Variants in TENM4 observed in about 807,000 individuals in gnomAD.
TENM4 encodes teneurin transmembrane protein 4.
A neutral mutation model predicts 243.3 loss-of-function variants in TENM4; 82 were observed. The ratio of observed to expected loss-of-function variants is 0.34; its 90% CI spans 0.28 to 0.40. The LOEUF is 0.40. Ranked by LOEUF, TENM4 falls within the 10% of genes least tolerant of loss-of-function variation. TENM4 has a pLI of 1.00. For missense variants in TENM4, 3,138 were observed against 3,673.3 expected (o/e 0.85, Z 3.77); for synonymous variants, 1,412 against 1,456.3 (o/e 0.97, Z 0.69).
intron 2 of TENM4, among the ~76,000 whole-genome samples, chr11:79,241,906 A>G (rs1855428017): frequency 6.6e-6 from 1 of 152,196 alleles, no homozygotes; most frequent in Admixed American, 6.5e-5. Context: ...GGAAGGTGGC[A>G]GGTGGAATCC....
chr11:79,406,975 C>A (rs2135565457), intron 1 of TENM4, among the ~76,000 whole-genome samples: 1 of 152,298 alleles, frequency 6.6e-6, no homozygotes, highest in South Asian at 2.1e-4. Flanking sequence ...GTGCCAGGCT[C>A]TATGCTCTGT....
At chr11:78,946,194 C>T (rs61088148) in intron 6 of TENM4, among the ~76,000 whole-genome samples, 3,739 of 152,310 alleles carry the variant, frequency 0.025, 129 homozygotes, top group African/African-American at 0.079. Flanking sequence ...GGCTGACTCT[C>T]TTGTCAGGGG....
chr11:78,953,045 G>A (rs889555169), intron 6 of TENM4, among the ~76,000 whole-genome samples: 1 of 152,166 alleles, frequency 6.6e-6, no homozygotes, highest in Non-Finnish European at 1.5e-5. Flanking sequence ...AGGGAGTGGA[G>A]CATAAATGAA....
intron 4 of TENM4, among the ~76,000 whole-genome samples, chr11:79,135,392 A>C (rs1862087871): frequency 6.6e-6 from 1 of 152,106 alleles, no homozygotes; most frequent in Non-Finnish European, 1.5e-5. Context: ...ACACTTCTAC[A>C]CTGCTGGTGG....
chr11:79,166,079 G>A (rs1862907303), intron 3 of TENM4, among the ~76,000 whole-genome samples: 1 of 152,126 alleles, frequency 6.6e-6, no homozygotes, highest in Non-Finnish European at 1.5e-5. Context: ...AGGTCCAGAA[G>A]AGACCCAGAG....
intron 2 of TENM4, among the ~76,000 whole-genome samples, chr11:79,231,198 A>G (rs1379356176): frequency 6.6e-6 from 1 of 152,246 alleles, no homozygotes; most frequent in Admixed American, 6.5e-5. Flanking sequence ...TTTGATAAAT[A>G]TTTGGTGCAA....
At chr11:78,934,450 C>T (rs1394548213) in intron 6 of TENM4, among the ~76,000 whole-genome samples, 1 of 152,144 alleles carries the variant, frequency 6.6e-6, no homozygotes, top group Non-Finnish European at 1.5e-5. Context: ...GTCTTGGGGA[C>T]ATCTCAGGTG....
intron 6 of TENM4, among the ~76,000 whole-genome samples, chr11:79,017,068 A>G (rs1404974152): frequency 1.3e-5 from 2 of 152,236 alleles, no homozygotes; most frequent in East Asian, 3.8e-4. Flanking sequence ...CAGTGGAACT[A>G]TAATTATCAT....
At chr11:78,859,640 T>C (rs1310357292) in intron 10 of TENM4, among the ~76,000 whole-genome samples, 1 of 152,236 alleles carries the variant, frequency 6.6e-6, no homozygotes, top group African/African-American at 2.4e-5. Flanking sequence ...TCAACTAATG[T>C]TCTTTCTCTC....
intron 1 of TENM4, among the ~76,000 whole-genome samples, chr11:79,410,956 T>TAC (rs143723822): frequency 2.2e-3 from 327 of 151,296 alleles, no homozygotes; most frequent in Middle Eastern, 0.01. Flanking sequence ...TACACACACA[T>TAC]ACACACACAC....
chr11:79,344,841 G>A (rs550316460), intron 1 of TENM4, among the ~76,000 whole-genome samples: 1 of 152,206 alleles, frequency 6.6e-6, no homozygotes, highest in Admixed American at 6.5e-5. Context: ...GAATGGTTAG[G>A]CAATTCATCT....
At chr11:79,097,273 G>A (rs1861106429) in intron 4 of TENM4, 1 of 152,194 alleles carries the variant, frequency 6.6e-6, no homozygotes, top group Non-Finnish European at 1.5e-5. Context: ...AACCTTGTCG[G>A]AGAGGTTTTC....
intron 6 of TENM4, among the ~76,000 whole-genome samples, chr11:79,020,616 C>G (rs1240791702): frequency 2.0e-5 from 3 of 150,252 alleles, no homozygotes; most frequent in African/African-American, 7.4e-5. Flanking sequence ...TTTTTTTTTC[C>G]TGGCATTAAA....
At chr11:79,064,611 C>A (rs749383876) in intron 6 of TENM4, 127 bp downstream of exon 6, 1 of 1,279,838 alleles carries the variant, frequency 7.8e-7, no homozygotes, top group Non-Finnish European at 1.1e-6. Flanking sequence ...ACATTTGACC[C>A]CTGAGAGTAA....
chr11:79,406,515 A>C (rs1277423818), intron 1 of TENM4, among the ~76,000 whole-genome samples: 1 of 152,222 alleles, frequency 6.6e-6, no homozygotes, highest in Non-Finnish European at 1.5e-5. Context: ...CCACTAAATC[A>C]GAAAGATTAA....
intron 18 of TENM4, among the ~76,000 whole-genome samples, chr11:78,767,641 G>A (rs1289222747): frequency 2.6e-5 from 4 of 152,154 alleles, no homozygotes; most frequent in African/African-American, 7.2e-5. Flanking sequence ...GTTCTCTGAT[G>A]TCCCTTTCAA....
chr11:79,122,889 A>C (rs574080522), intron 4 of TENM4, among the ~76,000 whole-genome samples: 74 of 152,356 alleles, frequency 4.9e-4, no homozygotes, highest in Middle Eastern at 3.4e-3. Context: ...GCTTGCAGTA[A>C]ATTAATAATA....
At chr11:78,763,153 T>C (rs573453028) in intron 18 of TENM4, among the ~76,000 whole-genome samples, 218 of 152,362 alleles carry the variant, frequency 1.4e-3, no homozygotes, top group Non-Finnish European at 1.9e-3. Context: ...TGCTTCTATG[T>C]CCTTCAAATT....
intron 3 of TENM4, among the ~76,000 whole-genome samples, chr11:79,182,158 G>A (rs1340446964): frequency 1.3e-5 from 2 of 152,118 alleles, no homozygotes; most frequent in African/African-American, 2.4e-5. Context: ...GAAGAATAAA[G>A]ACAGAGGACT....
Sources: gnomAD v4.1 joint callset for allele counts (sites outside exome capture counted in the v4.1 genomes callset) on GRCh38, gnomAD v4.1.1 for gene constraint, MANE v1.5 for transcripts, NCBI Gene and HGNC (gene_info 2026-07-23, HGNC 2026-07-21) for gene names.